Variants in FBXL2 observed in about 807,000 individuals in gnomAD.
The protein encoded by FBXL2 is F-box/LRR-repeat protein 2.
Under a neutral mutation model 69.2 loss-of-function variants are expected in FBXL2, and 38 were observed. That is an observed-to-expected ratio of 0.55 (90% CI 0.42 to 0.72). The LOEUF is 0.72. FBXL2 is among the 30% of genes least tolerant of loss of function. FBXL2 has a pLI of 0.00. For synonymous variants in FBXL2, 192 were observed against 201.3 expected, an observed-to-expected ratio of 0.95 and a Z score of 0.39; for missense variants, 354 against 520.3, an observed-to-expected ratio of 0.68 and a Z score of 3.11.
At chr3:33,357,739 C>T (rs1003740953) in intron 2 of FBXL2, among the ~76,000 whole-genome samples, 1 of 152,064 alleles carries the variant, frequency 6.6e-6, no homozygotes. Context: ...CCGTGTTAGC[C>T]AGGATGGTCT....
chr3:33,367,088 G>A (rs1255857387), intron 5 of FBXL2, among the ~76,000 whole-genome samples: 1 of 151,862 alleles, frequency 6.6e-6, no homozygotes, highest in South Asian at 2.1e-4. Flanking sequence ...TAATTACAAA[G>A]TCAGTTTCTT....
chr3:33,285,204 C>T (rs1010186637), intron 1 of FBXL2, among the ~76,000 whole-genome samples: 26 of 152,196 alleles, frequency 1.7e-4, no homozygotes, highest in Non-Finnish European at 3.4e-4. Flanking sequence ...ATGTTTAGCA[C>T]TTCCTTCAGG....
At chr3:33,281,334 G>A (rs916075737) in intron 1 of FBXL2, among the ~76,000 whole-genome samples, 23 of 152,230 alleles carry the variant, frequency 1.5e-4, no homozygotes, top group Admixed American at 9.8e-4. Flanking sequence ...CCAGAATGAT[G>A]GTTTCTGGCT....
chr3:33,418,756 A>G, the FBXL2 span, among the ~76,000 whole-genome samples: 6 of 151,220 alleles, frequency 4.0e-5, no homozygotes, highest in South Asian at 4.2e-4. Flanking sequence ...CTACTTGGGA[A>G]GCTGAGGCAG....
intron 12 of FBXL2, among the ~76,000 whole-genome samples, chr3:33,393,679 A>C (rs1432368605): frequency 6.6e-6 from 1 of 152,248 alleles, no homozygotes; most frequent in Non-Finnish European, 1.5e-5. Context: ...CACAAATATA[A>C]TTTAATAAAC....
chr3:33,334,231 G>A (rs1193280020), intron 2 of FBXL2, among the ~76,000 whole-genome samples: 1 of 152,170 alleles, frequency 6.6e-6, no homozygotes, highest in Non-Finnish European at 1.5e-5. Flanking sequence ...ATGTTTTGGT[G>A]ACCCAGTTTT....
downstream of FBXL2, chr3:33,390,526 C>T (rs2043717291): frequency 2.7e-6 from 2 of 751,540 alleles, no homozygotes; most frequent in Non-Finnish European, 4.4e-6. Flanking sequence ...TCTAGCTCCT[C>T]TTCCCCCAAA....
intron 1 of FBXL2, chr3:33,289,741 A>G (rs1293503224): frequency 1.0e-6 from 1 of 985,368 alleles, no homozygotes; most frequent in Non-Finnish European, 1.2e-6. Flanking sequence ...GTACATTGGA[A>G]TAGGAGTTCG....
At chr3:33,295,168 A>G (rs1190340313) in intron 1 of FBXL2, among the ~76,000 whole-genome samples, 1 of 152,192 alleles carries the variant, frequency 6.6e-6, no homozygotes, top group Non-Finnish European at 1.5e-5. Context: ...GGGATTTAGT[A>G]TATTCACCAA....
chr3:33,414,783 C>T, the FBXL2 span, among the ~76,000 whole-genome samples: 81 of 152,210 alleles, frequency 5.3e-4, no homozygotes, highest in African/African-American at 1.8e-3. Context: ...GCTTATCAAA[C>T]AGAAGATGAA....
chr3:33,368,507 A>G (rs2042092767), intron 5 of FBXL2, among the ~76,000 whole-genome samples: 1 of 152,178 alleles, frequency 6.6e-6, no homozygotes, highest in African/African-American at 2.4e-5. Flanking sequence ...TCTTTTGACT[A>G]GTGTTGGCAT....
intron 2 of FBXL2, among the ~76,000 whole-genome samples, chr3:33,319,722 AT>A (rs1166829860): frequency 6.6e-6 from 1 of 152,146 alleles, no homozygotes; most frequent in Non-Finnish European, 1.5e-5. Flanking sequence ...AATAACTTTT[AT>A]TTTTTTAAAA....
chr3:33,304,088 A>AT (rs1468044948), intron 2 of FBXL2, among the ~76,000 whole-genome samples: 1 of 152,050 alleles, frequency 6.6e-6, no homozygotes, highest in Non-Finnish European at 1.5e-5. Flanking sequence ...ACTAACATAT[A>AT]TTTGCAAAAG....
At chr3:33,400,012 T>C (rs540890037) in intron 12 of FBXL2, among the ~76,000 whole-genome samples, 1 of 152,320 alleles carries the variant, frequency 6.6e-6, no homozygotes, top group East Asian at 1.9e-4. Flanking sequence ...CAATAGCATA[T>C]AATAAAAATA....
chr3:33,349,089 A>G (rs919626920), intron 2 of FBXL2, among the ~76,000 whole-genome samples: 1 of 152,146 alleles, frequency 6.6e-6, no homozygotes, highest in South Asian at 2.1e-4. Context: ...TTCCTTTCCA[A>G]TTTGGATGCC....
chr3:33,315,268 C>G (rs1170294967), intron 2 of FBXL2, among the ~76,000 whole-genome samples: 1 of 115,358 alleles, frequency 8.7e-6, no homozygotes, highest in Non-Finnish European at 1.9e-5. Flanking sequence ...TTTCTCTTAT[C>G]TTTCTTTTCC....
intron 4 of FBXL2, among the ~76,000 whole-genome samples, chr3:33,363,958 A>T (rs2041794520): frequency 6.6e-6 from 1 of 151,894 alleles, no homozygotes; most frequent in Non-Finnish European, 1.5e-5. Flanking sequence ...CCAAAGCGAG[A>T]CCCCCCAACA....
At position 33,387,047 on chromosome 3, in the gene FBXL2, A is replaced by T. The variant is rs973197812; in HGVS notation, c.*1439A>T. The stretch of plus-strand genomic sequence containing the variant: ...GAGAAGCAGATTATATATATATATA[A>T]TCTCCCCATAAACGGACTTAGCACA... On this transcript the variant is annotated 3_prime_UTR_variant, in exon 15 of 15. Transcript: ENST00000484457. 1 of 151,574 alleles carries T rather than the reference A, an allele frequency of 6.6e-6. No individual in the cohort carries two copies. The highest frequency in any genetic ancestry group is 2.4e-5 in the African/African-American group (1 of 41,416). The allele number at this position is 151,574 out of a possible 1,614,324, so 9.4% of individuals were successfully genotyped here.
At chr3:33,354,643 C>G (rs2041072198) in intron 2 of FBXL2, among the ~76,000 whole-genome samples, 2 of 151,968 alleles carry the variant, frequency 1.3e-5, no homozygotes, top group African/African-American at 4.8e-5. Context: ...AAAAAAAAAC[C>G]TATAGTAAAC....
Sources: allele counts gnomAD v4.1 joint callset (sites outside exome capture counted in the v4.1 genomes callset), GRCh38; gene constraint gnomAD v4.1.1; transcripts MANE v1.5; gene names NCBI Gene and HGNC (gene_info 2026-07-23, HGNC 2026-07-21).